SLC44A5: variants seen among roughly 807,000 people sequenced by gnomAD.
SLC44A5 encodes solute carrier family 44 member 5.
A neutral mutation model predicts 101.8 loss-of-function variants in SLC44A5; 57 were observed. That is an observed-to-expected ratio of 0.56 (90% confidence interval 0.45 to 0.70). The LOEUF is 0.70. SLC44A5 is among the 30% of genes least tolerant of loss of function. The probability of loss-of-function intolerance (pLI) is 0.00; values close to 1 mark genes in which losing one functional copy is unlikely to be tolerated. For synonymous variants in SLC44A5, 281 were observed against 290.9 expected (o/e 0.97, Z 0.35); for missense variants, 737 against 853.1 (o/e 0.86, Z 1.70).
chr1:75,605,350 TA>T (rs1675261461), intron 1 of SLC44A5, among the ~76,000 whole-genome samples: 1 of 151,868 alleles, frequency 6.6e-6, no homozygotes, highest in African/African-American at 2.4e-5. Flanking sequence ...GTAGAGTTAT[TA>T]AGAATGAGAA....
the SLC44A5 span, among the ~76,000 whole-genome samples, chr1:75,718,013 C>G: frequency 6.6e-6 from 1 of 152,076 alleles, no homozygotes; most frequent in South Asian, 2.1e-4. Context: ...ACAAAATGAT[C>G]TTGGGTGGAG....
intron 12 of SLC44A5, among the ~76,000 whole-genome samples, chr1:75,229,701 T>A (rs79276939): frequency 0.17 from 25,901 of 152,230 alleles, 2,478 homozygotes; most frequent in Non-Finnish European, 0.22. Context: ...CTAAGATATA[T>A]ATTACTTAGG....
chr1:75,279,803 T>C (rs1248979390), intron 5 of SLC44A5, among the ~76,000 whole-genome samples: 1 of 151,980 alleles, frequency 6.6e-6, no homozygotes, highest in Non-Finnish European at 1.5e-5. Context: ...AGGTGGTGTT[T>C]CATTACATGG....
At chr1:75,546,657 A>G (rs1047202223) in intron 1 of SLC44A5, among the ~76,000 whole-genome samples, 3 of 152,302 alleles carry the variant, frequency 2.0e-5, no homozygotes, top group South Asian at 4.1e-4. Context: ...CTACTTTGTA[A>G]AACTTTGAAA....
the SLC44A5 span, among the ~76,000 whole-genome samples, chr1:75,624,860 T>C: frequency 6.6e-6 from 1 of 152,120 alleles, no homozygotes; most frequent in African/African-American, 2.4e-5. Context: ...TTATGGCAAG[T>C]ATATGAATGC....
the SLC44A5 span, chr1:75,710,161 G>A: frequency 1.3e-5 from 2 of 152,186 alleles, no homozygotes; most frequent in African/African-American, 4.8e-5. Context: ...TCTTGATTGT[G>A]GTGATGGTTT....
intron 3 of SLC44A5, among the ~76,000 whole-genome samples, chr1:75,387,435 A>C (rs1661443509): frequency 9.8e-6 from 1 of 102,542 alleles, no homozygotes; most frequent in Admixed American, 1.0e-4. Flanking sequence ...GAAGACATTT[A>C]TGCAGCCAAA....
At chr1:75,404,731 T>C (rs1435313312) in intron 2 of SLC44A5, among the ~76,000 whole-genome samples, 1 of 152,176 alleles carries the variant, frequency 6.6e-6, no homozygotes, top group Non-Finnish European at 1.5e-5. Flanking sequence ...CAGTACCAGC[T>C]ACTGCAAAAA....
At position 75,373,521 on chromosome 1, in the gene SLC44A5, C is replaced by T. The variant is rs149346227; in HGVS notation, c.52+23062G>A. Among the ~76,000 whole-genome samples the T allele has an allele frequency of 2.8e-4, 43 of 152,292 alleles. 1 individual carries two copies. In the East Asian group the frequency reaches 7.7e-3, roughly 27 times the overall value. ...GAACCCTGAAGGTTTCAAGGTGGCACGTGGTGCAGCAGCAACTAAACGTGA... is the reference window on the plus strand; with the variant it reads ...GAACCCTGAAGGTTTCAAGGTGGCATGTGGTGCAGCAGCAACTAAACGTGA... On this transcript the variant is annotated intron_variant, in intron 3 of 23. Coordinates refer to ENST00000370859, the MANE Select transcript of SLC44A5 (RefSeq NM_001130058.2).
intron 3 of SLC44A5, among the ~76,000 whole-genome samples, chr1:75,373,984 T>A (rs1371958062): frequency 1.3e-5 from 2 of 152,134 alleles, no homozygotes; most frequent in African/African-American, 4.8e-5. Flanking sequence ...TGTGGTGGCA[T>A]GGGAGCTGGT....
At chr1:75,411,797 C>T (rs1244474213) in intron 2 of SLC44A5, among the ~76,000 whole-genome samples, 2 of 152,090 alleles carry the variant, frequency 1.3e-5, no homozygotes, top group Non-Finnish European at 1.5e-5. Flanking sequence ...TTTCTGGAAT[C>T]ATTTTTTCAT....
At chr1:75,390,017 T>A (rs1009978768) in intron 3 of SLC44A5, among the ~76,000 whole-genome samples, 24 of 151,900 alleles carry the variant, frequency 1.6e-4, no homozygotes, top group African/African-American at 5.8e-4. Context: ...ATACAAAAGA[T>A]CCTCAGAGAC....
At chr1:75,398,424 G>C in intron 2 of SLC44A5, 1 of 984,648 alleles carries the variant, frequency 1.0e-6, no homozygotes, top group Non-Finnish European at 1.2e-6. Context: ...CTCAGACCCT[G>C]CCAATGAGAG....
chr1:75,609,130 T>G (rs949504260), intron 1 of SLC44A5, among the ~76,000 whole-genome samples: 9 of 151,764 alleles, frequency 5.9e-5, no homozygotes, highest in African/African-American at 2.2e-4. Context: ...AATATCCTAC[T>G]CTCAAGTAGA....
intron 6 of SLC44A5, among the ~76,000 whole-genome samples, chr1:75,272,596 A>G (rs1557603628): frequency 6.6e-6 from 1 of 151,890 alleles, no homozygotes; most frequent in Non-Finnish European, 1.5e-5. Flanking sequence ...CAGTTTCATT[A>G]TTCTACATGT....
At chr1:75,661,387 T>TAAAAAAAAAAAAAAAAAAAAAAAAAAA in the SLC44A5 span, among the ~76,000 whole-genome samples, 4 of 53,600 alleles carry the variant, frequency 7.5e-5, no homozygotes, top group Non-Finnish European at 1.2e-4. Flanking sequence ...CTACTGCAAG[T>TAAAAAAAAAAAAAAAAAAAAAAAAAAA]AAAAAAAAAA....
rs528503142 is a variant in SLC44A5 at position 75,388,246 on chromosome 1, A to C, written c.52+8337T>G. 1.2e-4 allele frequency among the ~76,000 whole-genome samples: 18 copies of C among 151,026 alleles called. No individual in the cohort carries two copies. The South Asian group carries it at 3.3e-3, about 28-fold the overall frequency. ...AATAAATAAATAAATCCAAAAAAAAACAGTATTAAAAAAAAAAAAAGAAAA... is the reference window on the plus strand; with the variant it reads ...AATAAATAAATAAATCCAAAAAAAACCAGTATTAAAAAAAAAAAAAGAAAA... On this transcript the variant is annotated intron_variant, in intron 3 of 23. Transcript: ENST00000370859.
chr1:75,211,548 ACTGT>A lies in SLC44A5; in HGVS notation c.1963_1966del (p.Thr655SerfsTer7). The stretch of plus-strand genomic sequence containing the variant: ...TGCAATCAGGTAAGACCCAAAAATG[ACTGT>A]CTGTAAATGGATGAAGAAGAGAACC... On this transcript the variant is annotated frameshift_variant and splice_region_variant, in exon 23 of 24. Coordinates refer to ENST00000370859, the MANE Select transcript of SLC44A5 (RefSeq NM_001130058.2). LOFTEE classifies it high-confidence loss of function. 4 of 1,610,074 alleles carry A rather than the reference ACTGT, an allele frequency of 2.5e-6. No individual in the cohort carries two copies. Among genetic ancestry groups the A allele is most frequent in the Non-Finnish European group, 3.4e-6 (4 of 1,176,824 alleles).
chr1:75,609,732 G>C (rs767763574), intron 1 of SLC44A5, among the ~76,000 whole-genome samples: 2 of 152,098 alleles, frequency 1.3e-5, no homozygotes, highest in African/African-American at 2.4e-5. Context: ...AAATAGGAAA[G>C]AGGGCTAAGA....
Sources: allele counts gnomAD v4.1 joint callset (sites outside exome capture counted in the v4.1 genomes callset), GRCh38; gene constraint gnomAD v4.1.1; transcripts MANE v1.5; gene names NCBI Gene and HGNC (gene_info 2026-07-23, HGNC 2026-07-21).